PPM1L: variants seen among roughly 807,000 people sequenced by gnomAD.
PPM1L encodes the protein protein phosphatase 1L.
In PPM1L, 13 loss-of-function variants were observed where a neutral mutation model predicts 31.4. That is an observed-to-expected ratio of 0.41 (90% CI 0.27 to 0.66). The LOEUF (loss-of-function observed/expected upper bound fraction) is 0.66, where lower values mean the gene tolerates loss of function less well. PPM1L is among the 30% of genes least tolerant of loss of function. PPM1L has a pLI of 0.29. For synonymous variants in PPM1L, 184 were observed against 175.4 expected (o/e 1.05, Z -0.39); for missense variants, 326 against 453.7 (o/e 0.72, Z 2.56).
rs1453346144 is a variant in PPM1L, at chr3:160,944,792, TTATATATAACA to T, written c.400-16937_400-16927del. 2.1e-4 allele frequency among the ~76,000 whole-genome samples: 6 copies of T among 29,090 alleles called. 2 individuals are homozygous for T. The highest frequency in any genetic ancestry group is 3.5e-4 in the Non-Finnish European group (3 of 8,462). 19.1% of individuals were successfully genotyped at this position (29,090 alleles called of 152,430 possible). On this transcript the variant is annotated intron_variant, in intron 1 of 3. Coordinates refer to ENST00000498165, the MANE Select transcript of PPM1L (RefSeq NM_139245.4). ...CATGTTATATATTATATTATATATG[TTATATATAACA>T]TATATAACATATATATGTTATATAT...
chr3:160,775,295 C>T (rs888262079), intron 1 of PPM1L, among the ~76,000 whole-genome samples: 3 of 152,176 alleles, frequency 2.0e-5, no homozygotes, highest in African/African-American at 7.2e-5. Flanking sequence ...TGCCAATAGG[C>T]CTGGTTTGTT....
chr3:161,013,631 G>T (rs1717970860), intron 2 of PPM1L, among the ~76,000 whole-genome samples: 1 of 152,126 alleles, frequency 6.6e-6, no homozygotes, highest in African/African-American at 2.4e-5. Flanking sequence ...GGGGGTTAAA[G>T]TCTCCCATTA....
rs187201636 is a variant in PPM1L, at chr3:160,822,198, C to G, written c.399+65491C>G. 5.9e-4 allele frequency among the ~76,000 whole-genome samples: 89 copies of G among 151,740 alleles called. No individual in the cohort carries two copies. In the East Asian group the frequency reaches 0.013, roughly 22 times the overall value. On this transcript the variant is annotated intron_variant, in intron 1 of 3. Transcript: ENST00000498165. ...TTCTTTTGAAATATTTTCCTTTTAGCTTTTTTTTCTAAAAGCGGACTTCTT... is the reference window on the plus strand; with the variant it reads ...TTCTTTTGAAATATTTTCCTTTTAGGTTTTTTTTCTAAAAGCGGACTTCTT...
Position 161,024,370 on chromosome 3 carries a change from T to C in PPM1L, c.575-41033T>C, listed in dbSNP as rs59065754. ...TTGCTTTTAACCAATACCCTGGGGATAGGGCTTTCCTACCTCGGAAGCTCT... is the reference window on the plus strand; with the variant it reads ...TTGCTTTTAACCAATACCCTGGGGACAGGGCTTTCCTACCTCGGAAGCTCT... On this transcript the variant is annotated intron_variant, in intron 2 of 3. Coordinates refer to ENST00000498165, the MANE Select transcript of PPM1L (RefSeq NM_139245.4). Among the ~76,000 whole-genome samples the C allele has an allele frequency of 4.0e-3, 602 of 152,054 alleles. 4 individuals carry two copies. Among genetic ancestry groups the C allele is most frequent in the Middle Eastern group, 0.027 (8 of 292 alleles).
chr3:161,037,613 G>C (rs1412632774), intron 2 of PPM1L, among the ~76,000 whole-genome samples: 1 of 122,916 alleles, frequency 8.1e-6, no homozygotes, highest in Non-Finnish European at 1.7e-5. Context: ...GGTATTTTTA[G>C]TAGAGACGGG....
intron 1 of PPM1L, among the ~76,000 whole-genome samples, chr3:160,802,637 T>C (rs1041924792): frequency 2.0e-5 from 3 of 152,264 alleles, no homozygotes; most frequent in Non-Finnish European, 2.9e-5. Flanking sequence ...TACACACATA[T>C]TCGTAGTTTA....
At chr3:160,959,263 TAAG>T (rs1715877377) in intron 1 of PPM1L, among the ~76,000 whole-genome samples, 1 of 148,714 alleles carries the variant, frequency 6.7e-6, no homozygotes, top group African/African-American at 2.5e-5. Flanking sequence ...TGCAAAGGCA[TAAG>T]AATGATATAA....
intron 2 of PPM1L, among the ~76,000 whole-genome samples, chr3:161,043,653 G>A (rs899880647): frequency 7.2e-5 from 11 of 152,176 alleles, no homozygotes; most frequent in African/African-American, 2.7e-4. Flanking sequence ...CTTAGTCCCT[G>A]AGTCTGTTGC....
intron 1 of PPM1L, among the ~76,000 whole-genome samples, chr3:160,846,781 GCTT>G (rs1043212771): frequency 2.6e-5 from 4 of 152,060 alleles, no homozygotes; most frequent in African/African-American, 9.7e-5. Flanking sequence ...ACAAGTTAGT[GCTT>G]CTTTTTAATA....
intron 1 of PPM1L, among the ~76,000 whole-genome samples, chr3:160,874,157 G>A (rs894946506): frequency 6.6e-6 from 1 of 152,150 alleles, no homozygotes; most frequent in Admixed American, 6.5e-5. Context: ...CTAGGCTGCA[G>A]CCATGTGAAT....
intron 1 of PPM1L, among the ~76,000 whole-genome samples, chr3:160,785,388 A>AAATG (rs1273601865): frequency 6.6e-6 from 1 of 152,194 alleles, no homozygotes; most frequent in African/African-American, 2.4e-5. Context: ...TCTGAAAGCA[A>AAATG]AATGAAGGAT....
At chr3:160,939,469 T>A (rs569078824) in intron 1 of PPM1L, among the ~76,000 whole-genome samples, 27 of 152,154 alleles carry the variant, frequency 1.8e-4, no homozygotes, top group Non-Finnish European at 3.2e-4. Context: ...CCCACCCAAA[T>A]CTCAACTTGA....
chr3:160,948,735 G>T (rs1173642006), intron 1 of PPM1L, among the ~76,000 whole-genome samples: 1 of 152,080 alleles, frequency 6.6e-6, no homozygotes, highest in Non-Finnish European at 1.5e-5. Context: ...TGGCACTGAG[G>T]GTTGAAAGGC....
rs189699898 is a variant in PPM1L at position 161,063,822 on chromosome 3, C to T, written c.575-1581C>T. Among the ~76,000 whole-genome samples, 107 of 152,256 alleles carry T rather than the reference C, an allele frequency of 7.0e-4. 1 individual carries two copies. Among genetic ancestry groups the T allele is most frequent in the Admixed American group, 4.0e-3 (61 of 15,294 alleles). On this transcript the variant is annotated intron_variant, in intron 2 of 3. Coordinates refer to ENST00000498165, the MANE Select transcript of PPM1L (RefSeq NM_139245.4). The stretch of plus-strand genomic sequence containing the variant: ...AAGAAAATGTGGCACATATACACCA[C>T]GGAATACTATGCAGCCATAAAAAAG...
In PPM1L at chr3:161,076,575, G is replaced by GTT. The variant is rs1302081093; in HGVS notation, c.*7420_*7421dup. ...TTAACATCTACAATATTGTCTTTCA[G>GTT]TTTACTCTTCAATTACTAAAGCAAA... On this transcript the variant is annotated 3_prime_UTR_variant, in exon 4 of 4. Coordinates refer to ENST00000498165, the MANE Select transcript of PPM1L (RefSeq NM_139245.4). 3 of 152,030 alleles carry GTT rather than the reference G, an allele frequency of 2.0e-5. No individual in the cohort carries two copies. The highest frequency in any genetic ancestry group is 7.2e-5 in the African/African-American group (3 of 41,390). The allele number at this position is 152,030 out of a possible 1,614,324, so 9.4% of individuals were successfully genotyped here.
intron 1 of PPM1L, among the ~76,000 whole-genome samples, chr3:160,799,207 C>T (rs571866039): frequency 4.8e-4 from 73 of 152,324 alleles, no homozygotes; most frequent in Non-Finnish European, 9.4e-4. Context: ...GATAAAGCAG[C>T]GGCAGGCTGA....
chr3:160,772,389 T>C (rs1258261479), intron 1 of PPM1L, among the ~76,000 whole-genome samples: 2 of 152,196 alleles, frequency 1.3e-5, no homozygotes, highest in Admixed American at 6.5e-5. Context: ...CTCTCAAAAA[T>C]AGGATGGCAA....
chr3:160,980,649 C>T (rs1716761801), intron 2 of PPM1L, among the ~76,000 whole-genome samples: 1 of 145,508 alleles, frequency 6.9e-6, no homozygotes, highest in South Asian at 2.1e-4. Flanking sequence ...GCCTGGGTGA[C>T]AGAGTGAGAC....
intron 1 of PPM1L, among the ~76,000 whole-genome samples, chr3:160,791,854 T>A (rs1712116149): frequency 6.6e-6 from 1 of 152,158 alleles, no homozygotes; most frequent in Admixed American, 6.5e-5. Flanking sequence ...AGGAACAGTC[T>A]AGGCAGAGGG....
Sources: allele counts gnomAD v4.1 joint callset (sites outside exome capture counted in the v4.1 genomes callset), GRCh38; gene constraint gnomAD v4.1.1; transcripts MANE v1.5; gene names NCBI Gene and HGNC (gene_info 2026-07-23, HGNC 2026-07-21).